Variants in NCAM1 observed in about 807,000 individuals in gnomAD.
The protein encoded by NCAM1 is neural cell adhesion molecule 1.
A neutral mutation model predicts 109.8 loss-of-function variants in NCAM1; 14 were observed. The ratio of observed to expected loss-of-function variants is 0.13; its 90% confidence interval spans 0.08 to 0.20. The LOEUF (loss-of-function observed/expected upper bound fraction) is 0.20. Among genes scored for constraint, NCAM1 ranks in the 10% least tolerant of loss-of-function variants. NCAM1 has a pLI of 1.00. For missense variants in NCAM1, 774 were observed against 1,109.9 expected (o/e 0.70, Z 4.30); for synonymous variants, 418 against 442.9 (o/e 0.94, Z 0.70).
intron 1 of NCAM1, among the ~76,000 whole-genome samples, chr11:113,034,443 C>A (rs1420831487): frequency 6.6e-6 from 1 of 152,124 alleles, no homozygotes; most frequent in African/African-American, 2.4e-5. Context: ...AGAAAGGAAA[C>A]CATTTTTAAA....
At chr11:113,174,204 A>G (rs1424245682) in intron 1 of NCAM1, among the ~76,000 whole-genome samples, 1 of 152,226 alleles carries the variant, frequency 6.6e-6, no homozygotes, top group Non-Finnish European at 1.5e-5. Flanking sequence ...GAGCTACAGA[A>G]AAGACCCACA....
chr11:113,132,927 A>C (rs1941455448), intron 1 of NCAM1: 1 of 152,158 alleles, frequency 6.6e-6, no homozygotes, highest in South Asian at 2.1e-4. Flanking sequence ...CATCTCAGAA[A>C]TGTTAGGGAG....
intron 1 of NCAM1, among the ~76,000 whole-genome samples, chr11:113,010,282 A>G (rs1287843170): frequency 6.6e-6 from 1 of 151,622 alleles, no homozygotes; most frequent in African/African-American, 2.4e-5. Context: ...ATTTGGTTTT[A>G]AAAAATAACT....
chr11:113,090,435 C>G (rs1177581560), intron 1 of NCAM1, among the ~76,000 whole-genome samples: 1 of 152,114 alleles, frequency 6.6e-6, no homozygotes, highest in Non-Finnish European at 1.5e-5. Flanking sequence ...TCACTTTCTG[C>G]GACATAATTT....
At chr11:113,050,405 T>C (rs1472442537) in intron 1 of NCAM1, among the ~76,000 whole-genome samples, 4 of 151,594 alleles carry the variant, frequency 2.6e-5, no homozygotes, top group African/African-American at 9.7e-5. Flanking sequence ...AGATAATTTA[T>C]TATAGGAGGT....
intron 1 of NCAM1, among the ~76,000 whole-genome samples, chr11:113,055,403 A>G (rs1953659008): frequency 6.6e-6 from 1 of 152,176 alleles, no homozygotes. Flanking sequence ...TAAACTTGGT[A>G]TTTGCACCCA....
At position 113,171,515 on chromosome 11, in the gene NCAM1, C is replaced by T. The variant is rs546911394; in HGVS notation, c.53-30864C>T. On this transcript the variant is annotated intron_variant, in intron 1 of 19. Transcript: ENST00000316851. ...AGGCTTGGTGGCACATGCCTGTAATCCCAGCTACTCAGGAGGCTGAGGCAG... is the reference window on the plus strand; with the variant it reads ...AGGCTTGGTGGCACATGCCTGTAATTCCAGCTACTCAGGAGGCTGAGGCAG... Among the ~76,000 whole-genome samples, 6 of 152,226 alleles carry T rather than the reference C, an allele frequency of 3.9e-5. No homozygotes were observed. The South Asian group carries it at 1.2e-3, about 32-fold the overall frequency.
chr11:113,116,219 G>A (rs1234342315), intron 1 of NCAM1, among the ~76,000 whole-genome samples: 8 of 152,180 alleles, frequency 5.3e-5, no homozygotes, highest in Admixed American at 1.3e-4. Flanking sequence ...AGCACAATGC[G>A]TTACTCAAAA....
Position 113,232,344 on chromosome 11 carries a change from G to A in NCAM1, c.1415G>A (p.Ser472Asn). Residue 472 changes from serine (S) to asparagine (N), a missense_variant, in exon 11 of 20, where the codon AGC (serine) becomes AAC (asparagine). Physicochemically the swap from Ser to Asn is conservative, Grantham distance 46. Around this residue, in one of 4 missense-constraint regions of NCAM1, gnomAD observed 523 missense variants for 784.2 expected, o/e 0.67. Transcript: ENST00000316851. Reference sequence around the variant, plus strand: ...AAGATCTACAACACCCCCTCTGCCAGCTATCTGGAGGTGAGTCAGGATGGG... The same window carrying A: ...AAGATCTACAACACCCCCTCTGCCAACTATCTGGAGGTGAGTCAGGATGGG... The part of the protein sequence containing the change: ...NIKIYNTPSA[S>N]YLEVTPDSEN... 3 of 1,608,944 alleles carry A rather than the reference G, an allele frequency of 1.9e-6. No individual in the cohort carries two copies. The highest frequency in any genetic ancestry group is 2.5e-6 in the Non-Finnish European group (3 of 1,177,258).
At chr11:113,027,186 C>CA (rs1952571727) in intron 1 of NCAM1, among the ~76,000 whole-genome samples, 1 of 151,880 alleles carries the variant, frequency 6.6e-6, no homozygotes. Context: ...GTTGCTTCAC[C>CA]AAAAAATAAA....
intron 1 of NCAM1, among the ~76,000 whole-genome samples, chr11:113,196,454 G>A (rs1943858895): frequency 6.6e-6 from 1 of 152,154 alleles, no homozygotes; most frequent in African/African-American, 2.4e-5. Flanking sequence ...AAACCATAAA[G>A]GGAAGACATT....
chr11:113,200,527 G>A (rs11607273), intron 1 of NCAM1, among the ~76,000 whole-genome samples: 7,320 of 152,282 alleles, frequency 0.048, 232 homozygotes, highest in Non-Finnish European at 0.071. Context: ...ATTGCATCAT[G>A]GAAAGATCAC....
intron 1 of NCAM1, among the ~76,000 whole-genome samples, chr11:113,109,360 A>C (rs1940331554): frequency 6.6e-6 from 1 of 151,598 alleles, no homozygotes; most frequent in Non-Finnish European, 1.5e-5. Context: ...AAAAAAGAAA[A>C]AAAAACAGAG....
intron 1 of NCAM1, among the ~76,000 whole-genome samples, chr11:113,011,249 G>A (rs1185785736): frequency 6.9e-6 from 1 of 145,928 alleles, no homozygotes; most frequent in Non-Finnish European, 1.5e-5. Flanking sequence ...TACTGAGAAT[G>A]ATGATTTCCA....
chr11:113,200,541 C>T (rs544015570), intron 1 of NCAM1, among the ~76,000 whole-genome samples: 77 of 152,290 alleles, frequency 5.1e-4, no homozygotes, highest in African/African-American at 1.9e-3. Flanking sequence ...AGATCACCTA[C>T]CCGGAGCCAG....
rs1946335612 is a variant in NCAM1 at position 113,273,512 on chromosome 11, C to T, written c.2456+1636C>T. On this transcript the variant is annotated intron_variant, in intron 19 of 19. Coordinates refer to ENST00000316851, the MANE Select transcript of NCAM1 (RefSeq NM_181351.5). This position sits in a 1 kb window ranked among gnomAD's most constrained non-coding sequence, Gnocchi z 6.0. Reference sequence around the variant, plus strand: ...CCGCGAAGAGCCCGGCCGAGGCAGCCACAGCCCTTGCTAGCCCGAAGAGCG... The same window carrying T: ...CCGCGAAGAGCCCGGCCGAGGCAGCTACAGCCCTTGCTAGCCCGAAGAGCG... The T allele has an allele frequency of 5.9e-6, 2 of 340,162 alleles. No homozygotes were observed. Among genetic ancestry groups the T allele is most frequent in the South Asian group, 4.3e-5 (2 of 46,060 alleles). The allele number at this position is 340,162 out of a possible 1,614,324, so 21.1% of individuals were successfully genotyped here. A position where few individuals can be genotyped will look rare whatever the true frequency, so the allele number is the denominator to read the frequency against.
In NCAM1 at chr11:113,140,554, A is replaced by G. The variant is rs560459824; in HGVS notation, c.53-61825A>G. Among the ~76,000 whole-genome samples, 7 of 152,270 alleles carry G rather than the reference A, an allele frequency of 4.6e-5. No homozygotes were observed. In the South Asian group the frequency reaches 6.2e-4, roughly 14 times the overall value. ...AAACCTTAGGCCTTTTATAACATGC[A>G]TTGCTTCGGAGTCAAGCCTCCCACA... On this transcript the variant is annotated intron_variant, in intron 1 of 19. Transcript: ENST00000316851.
chr11:113,167,337 T>G (rs528515877), intron 1 of NCAM1, among the ~76,000 whole-genome samples: 10 of 152,142 alleles, frequency 6.6e-5, no homozygotes, highest in Non-Finnish European at 8.8e-5. Context: ...AGCAGTGTTA[T>G]AGAGCCTTCC....
At chr11:113,241,013 G>C (rs998179704) in intron 14 of NCAM1, among the ~76,000 whole-genome samples, 8 of 152,194 alleles carry the variant, frequency 5.3e-5, no homozygotes, top group Admixed American at 4.6e-4. Flanking sequence ...AGATCCATGA[G>C]GGGCAGCCTT....
Sources: gnomAD v4.1 joint callset for allele counts (sites outside exome capture counted in the v4.1 genomes callset) on GRCh38, gnomAD v4.1.1 for gene constraint, gnomAD v4.1.1 regional missense constraint, Gnocchi (gnomAD v3.1) non-coding constraint, MANE v1.5 for transcripts, NCBI Gene and HGNC (gene_info 2026-07-23, HGNC 2026-07-21) for gene names.